Variants in GRID2 observed in about 807,000 individuals in gnomAD.
GRID2 encodes the protein glutamate ionotropic receptor delta type subunit 2.
GRID2 carries 33 observed loss-of-function variants against 114.8 expected under a neutral mutation model. The ratio of observed to expected loss-of-function variants is 0.29; its 90% CI spans 0.22 to 0.38. GRID2 has a LOEUF of 0.38. Among genes scored for constraint, GRID2 ranks in the 10% least tolerant of loss-of-function variants. GRID2 has a pLI of 1.00. For synonymous variants in GRID2, 505 were observed against 449.9 expected (o/e 1.12, Z -1.55); for missense variants, 1,184 against 1,257.7 (o/e 0.94, Z 0.89).
intron 13 of GRID2, among the ~76,000 whole-genome samples, chr4:93,557,907 T>C: frequency 6.6e-6 from 1 of 152,118 alleles, no homozygotes; most frequent in Non-Finnish European, 1.5e-5. Flanking sequence ...AACAGTGCAA[T>C]CAAATTAGAA....
chr4:93,145,602 G>A (rs1368905823), intron 4 of GRID2, among the ~76,000 whole-genome samples: 1 of 144,894 alleles, frequency 6.9e-6, no homozygotes, highest in African/African-American at 2.6e-5. Flanking sequence ...GGAATTACAG[G>A]TGCCTGACAC....
At chr4:92,981,456 A>G (rs189218236) in intron 2 of GRID2, among the ~76,000 whole-genome samples, 50 of 152,164 alleles carry the variant, frequency 3.3e-4, no homozygotes, top group Non-Finnish European at 4.0e-4. Context: ...GATGTATTCC[A>G]TGTCTACACT....
At chr4:92,803,183 A>T (rs888527168) in intron 2 of GRID2, among the ~76,000 whole-genome samples, 3 of 151,980 alleles carry the variant, frequency 2.0e-5, no homozygotes, top group African/African-American at 7.2e-5. Flanking sequence ...AGAAGAAAAA[A>T]AATAAAGAAT....
intron 1 of GRID2, among the ~76,000 whole-genome samples, chr4:92,493,579 C>A (rs1723249606): frequency 6.6e-6 from 1 of 152,194 alleles, no homozygotes; most frequent in Admixed American, 6.6e-5. Context: ...GTGCATCACT[C>A]ACATTTCTAT....
intron 1 of GRID2, among the ~76,000 whole-genome samples, chr4:92,411,160 T>C (rs1731281034): frequency 1.3e-5 from 2 of 152,144 alleles, no homozygotes; most frequent in Non-Finnish European, 2.9e-5. Flanking sequence ...GCTATTTCTT[T>C]AGAAAGTAAA....
chr4:92,921,308 T>G (rs909714843), intron 2 of GRID2, among the ~76,000 whole-genome samples: 19 of 152,022 alleles, frequency 1.2e-4, no homozygotes, highest in Non-Finnish European at 2.6e-4. Context: ...CCTCCTTTAG[T>G]GCAGAGTAGT....
intron 1 of GRID2, among the ~76,000 whole-genome samples, chr4:92,477,013 A>T (rs1722343506): frequency 1.3e-5 from 2 of 151,494 alleles, no homozygotes; most frequent in African/African-American, 2.4e-5. Context: ...GCAAAAACAG[A>T]TGGCTAAACT....
chr4:92,860,866 C>A (rs531989715), intron 2 of GRID2, among the ~76,000 whole-genome samples: 1 of 151,860 alleles, frequency 6.6e-6, no homozygotes, highest in African/African-American at 2.4e-5. Flanking sequence ...TTATCCTTTA[C>A]GTATGTGAGA....
At chr4:93,105,221 G>A (rs1205750533) in intron 3 of GRID2, among the ~76,000 whole-genome samples, 1 of 152,052 alleles carries the variant, frequency 6.6e-6, no homozygotes, top group Admixed American at 6.6e-5. Context: ...TTTGTCAGAT[G>A]AGTAGGTTGC....
intron 2 of GRID2, among the ~76,000 whole-genome samples, chr4:92,626,691 T>C (rs1374163456): frequency 1.3e-5 from 2 of 152,080 alleles, no homozygotes; most frequent in African/African-American, 4.8e-5. Flanking sequence ...ATGTAAAATC[T>C]TCCTTGAGTG....
chr4:93,224,851 T>G (rs771190813), intron 7 of GRID2, 76 bp downstream of exon 7: 35 of 1,032,750 alleles, frequency 3.4e-5, no homozygotes, highest in Non-Finnish European at 4.3e-5. Flanking sequence ...GGTTTCCTCT[T>G]TAATATTTCT....
At chr4:92,809,579 C>A (rs1043455552) in intron 2 of GRID2, among the ~76,000 whole-genome samples, 1 of 151,864 alleles carries the variant, frequency 6.6e-6, no homozygotes, top group African/African-American at 2.4e-5. Context: ...TTCTAAATTG[C>A]AACATTCCAT....
At chr4:93,645,744 A>G (rs928809168) in intron 14 of GRID2, among the ~76,000 whole-genome samples, 1 of 152,048 alleles carries the variant, frequency 6.6e-6, no homozygotes, top group African/African-American at 2.4e-5. Context: ...CTCTTTATTA[A>G]ATTTCCATGT....
intron 8 of GRID2, among the ~76,000 whole-genome samples, chr4:93,377,215 G>A (rs929416919): frequency 6.6e-6 from 1 of 152,034 alleles, no homozygotes; most frequent in Non-Finnish European, 1.5e-5. Context: ...ATGAATATTT[G>A]AGTTTATAAT....
chr4:92,686,003 T>C (rs1733880606), intron 2 of GRID2, among the ~76,000 whole-genome samples: 1 of 152,058 alleles, frequency 6.6e-6, no homozygotes, highest in Non-Finnish European at 1.5e-5. Flanking sequence ...TGGTATCTTA[T>C]AATTAGAACT....
At chr4:93,726,893 G>T (rs992619981) in intron 14 of GRID2, among the ~76,000 whole-genome samples, 1 of 152,148 alleles carries the variant, frequency 6.6e-6, no homozygotes, top group South Asian at 2.1e-4. Context: ...GGGCTGAGAC[G>T]ATGGGGTTCT....
chr4:93,622,819 A>C (rs1206554577), intron 13 of GRID2, among the ~76,000 whole-genome samples: 1 of 152,204 alleles, frequency 6.6e-6, no homozygotes, highest in African/African-American at 2.4e-5. Flanking sequence ...AAATTTATTA[A>C]AAGGCAACAA....
In GRID2 at chr4:92,597,061, C is replaced by CT. The variant is rs541430489; in HGVS notation, c.244+6783dup. Among the ~76,000 whole-genome samples, 9 of 151,372 alleles carry CT rather than the reference C, an allele frequency of 5.9e-5. No individual in the cohort carries two copies. In the South Asian group the frequency reaches 1.3e-3, roughly 21 times the overall value. ...ACTTTTCAGGAAAGACAGGTATTTT[C>CT]TTTTTTTTACGATCATTATACCAAA... On this transcript the variant is annotated intron_variant, in intron 2 of 15. Coordinates refer to ENST00000282020, the MANE Select transcript of GRID2 (RefSeq NM_001510.4).
At chr4:92,672,392 A>G (rs558293932) in intron 2 of GRID2, among the ~76,000 whole-genome samples, 6 of 152,254 alleles carry the variant, frequency 3.9e-5, no homozygotes, top group African/African-American at 1.4e-4. Context: ...ATTCCTTAAT[A>G]TGAATACCCA....
Sources: gnomAD v4.1 joint callset for allele counts (sites outside exome capture counted in the v4.1 genomes callset) on GRCh38, gnomAD v4.1.1 for gene constraint, MANE v1.5 for transcripts, NCBI Gene and HGNC (gene_info 2026-07-23, HGNC 2026-07-21) for gene names.